ENTREP2: variants seen among roughly 807,000 people sequenced by gnomAD.
ENTREP2 encodes the protein endosomal transmembrane epsin interactor 2.
At chr15:29,249,555 T>C in the ENTREP2 span, among the ~76,000 whole-genome samples, 1 of 152,180 alleles carries the variant, frequency 6.6e-6, no homozygotes, top group Non-Finnish European at 1.5e-5. Flanking sequence ...TTTTTATATA[T>C]GAAATTTTGT....
At chr15:29,385,251 A>G in the ENTREP2 span, among the ~76,000 whole-genome samples, 2 of 152,150 alleles carry the variant, frequency 1.3e-5, no homozygotes, top group Admixed American at 1.3e-4. Context: ...TACTCCACCT[A>G]CTTCTAAGCC....
chr15:29,156,056 G>A, the ENTREP2 span, among the ~76,000 whole-genome samples: 2 of 152,186 alleles, frequency 1.3e-5, no homozygotes, highest in Non-Finnish European at 2.9e-5. Context: ...GGGGCTGGAG[G>A]GAGGCTGAGG....
chr15:29,454,455 G>C, the ENTREP2 span, among the ~76,000 whole-genome samples: 1 of 152,256 alleles, frequency 6.6e-6, no homozygotes, highest in Admixed American at 6.5e-5. Context: ...GACTTCCATT[G>C]CAAGTAGAGT....
chr15:29,217,846 G>C, the ENTREP2 span, among the ~76,000 whole-genome samples: 2 of 152,130 alleles, frequency 1.3e-5, no homozygotes, highest in Non-Finnish European at 2.9e-5. Flanking sequence ...ACCAGGGTTG[G>C]TTTTCTGATT....
chr15:29,485,553 G>A, the ENTREP2 span, among the ~76,000 whole-genome samples: 1 of 152,198 alleles, frequency 6.6e-6, no homozygotes, highest in Non-Finnish European at 1.5e-5. Flanking sequence ...TGGGACAGAA[G>A]ATTACCATTG....
chr15:29,475,915 G>A, the ENTREP2 span, among the ~76,000 whole-genome samples: 12 of 152,294 alleles, frequency 7.9e-5, no homozygotes, highest in South Asian at 2.1e-3. Flanking sequence ...CCAAGTGGTT[G>A]GCATCTGTAT....
chr15:29,660,709 T>A, the ENTREP2 span, among the ~76,000 whole-genome samples: 2 of 152,246 alleles, frequency 1.3e-5, no homozygotes, highest in African/African-American at 4.8e-5. Context: ...AAAGTAGTTT[T>A]AAAGTAGCAC....
the ENTREP2 span, among the ~76,000 whole-genome samples, chr15:29,276,306 T>G: frequency 6.6e-6 from 1 of 152,256 alleles, no homozygotes; most frequent in African/African-American, 2.4e-5. Context: ...CATTAGGGCC[T>G]ATTAAGTTAT....
the ENTREP2 span, among the ~76,000 whole-genome samples, chr15:29,215,717 C>T: frequency 6.6e-6 from 1 of 152,046 alleles, no homozygotes; most frequent in Non-Finnish European, 1.5e-5. Context: ...AGAATAGCTA[C>T]CCCTGCTCCC....
chr15:29,335,725 C>T, the ENTREP2 span, among the ~76,000 whole-genome samples: 2 of 134,920 alleles, frequency 1.5e-5, no homozygotes, highest in African/African-American at 7.2e-5. Flanking sequence ...CCAGCTAAGA[C>T]AGTCCCCACA....
chr15:29,544,474 ATTG>A, the ENTREP2 span, among the ~76,000 whole-genome samples: 1 of 152,222 alleles, frequency 6.6e-6, no homozygotes, highest in Non-Finnish European at 1.5e-5. Flanking sequence ...ACACTTTAAA[ATTG>A]TTAACATGGT....
At chr15:29,672,614 C>T in the ENTREP2 span, among the ~76,000 whole-genome samples, 1 of 152,228 alleles carries the variant, frequency 6.6e-6, no homozygotes, top group Non-Finnish European at 1.5e-5. Flanking sequence ...TACCCACTGC[C>T]TAGACAGAGC....
chr15:29,405,259 T>C, the ENTREP2 span, among the ~76,000 whole-genome samples: 1 of 151,940 alleles, frequency 6.6e-6, no homozygotes, highest in Non-Finnish European at 1.5e-5. Context: ...CATGGTGGCA[T>C]ATGCCTGTAA....
chr15:29,152,609 C>A, the ENTREP2 span, among the ~76,000 whole-genome samples: 1 of 152,194 alleles, frequency 6.6e-6, no homozygotes, highest in Non-Finnish European at 1.5e-5. Flanking sequence ...CAGTAGTTGA[C>A]TTCTTTTTAT....
chr15:29,196,608 C>T, the ENTREP2 span: 30 of 1,531,074 alleles, frequency 2.0e-5, no homozygotes, highest in Admixed American at 7.9e-5. Flanking sequence ...AACAGGCATT[C>T]GACCCCCGAG....
At chr15:29,158,533 G>T in the ENTREP2 span, among the ~76,000 whole-genome samples, 1 of 151,368 alleles carries the variant, frequency 6.6e-6, no homozygotes, top group Non-Finnish European at 1.5e-5. Flanking sequence ...AGCCTCCCAA[G>T]TATCTGGACT....
At chr15:29,611,790 G>T in the ENTREP2 span, among the ~76,000 whole-genome samples, 1 of 152,262 alleles carries the variant, frequency 6.6e-6, no homozygotes, top group South Asian at 2.1e-4. Flanking sequence ...CTCACTTCAT[G>T]CCCTTCTCTG....
chr15:29,673,627 G>C, the ENTREP2 span, among the ~76,000 whole-genome samples: 2 of 152,308 alleles, frequency 1.3e-5, no homozygotes, highest in South Asian at 4.2e-4. Context: ...GTCTCCAGAT[G>C]CATGACTCCT....
At chr15:29,271,371 GTT>G in the ENTREP2 span, among the ~76,000 whole-genome samples, 4 of 152,306 alleles carry the variant, frequency 2.6e-5, no homozygotes, top group South Asian at 6.2e-4. Context: ...GGATGTGGAT[GTT>G]GTATTGAGGG....
Sources: gnomAD v4.1 joint callset for allele counts (sites outside exome capture counted in the v4.1 genomes callset) on GRCh38, gnomAD v4.1.1 for gene constraint, MANE v1.5 for transcripts, NCBI Gene and HGNC (gene_info 2026-07-23, HGNC 2026-07-21) for gene names.